Variants in IFNL3 observed in about 807,000 individuals in gnomAD.
IFNL3 encodes the protein interferon lambda 3.
In IFNL3, 16 loss-of-function variants were observed where a neutral mutation model predicts 16.3. The observed-to-expected ratio is 0.98, with a 90% CI of 0.67 to 1.50. The LOEUF (loss-of-function observed/expected upper bound fraction) is 1.50. IFNL3 is among the 40% of genes most tolerant of loss of function. IFNL3 has a pLI of 0.00. For missense variants in IFNL3, 254 were observed against 253.5 expected (o/e 1.00, Z -0.01); for synonymous variants, 115 against 115.3 (o/e 1.00, Z 0.02).
chr19:39,244,247 G>A (rs2074931561), intron 2 of IFNL3, 90 bp from the exon 3 acceptor site: 10 of 1,562,316 alleles, frequency 6.4e-6, no homozygotes, highest in Admixed American at 3.7e-5. Flanking sequence ...GAAGGTGACA[G>A]GCACAGGGGA....
chr19:39,244,657 G>C (rs1568552781), intron 1 of IFNL3, 131 bp downstream of exon 1: 15 of 1,375,418 alleles, frequency 1.1e-5, no homozygotes, highest in Non-Finnish European at 1.5e-5. Flanking sequence ...CCTGCAGTAG[G>C]AGCATGAGAT....
Position 39,244,219 on chromosome 19 carries a change from G to A in IFNL3, c.259-62C>T. The A allele has an allele frequency of 5.6e-6, 9 of 1,596,974 alleles. No homozygotes were observed. In the South Asian group the frequency reaches 9.0e-5, roughly 16 times the overall value. ...GTGAGGGGAACAGGTTGGGGGAGGA[G>A]GATAGAGAGGAACAAGTGAAGGTGA... is the stretch of plus-strand genomic sequence containing the variant. On this transcript the variant is annotated intron_variant, in intron 2 of 4. Coordinates refer to ENST00000413851, the MANE Select transcript of IFNL3 (RefSeq NM_172139.4).
rs117671304 is a variant in IFNL3, at chr19:39,243,586, G to A, written c.*46C>T. ...TGGGTGACAATAAATTAAGCCAAGT[G>A]GCTAATTTATAAATAAAATCTCAGG... On this transcript the variant is annotated 3_prime_UTR_variant, in exon 5 of 5. Coordinates refer to ENST00000413851, the MANE Select transcript of IFNL3 (RefSeq NM_172139.4). 5.2e-6 allele frequency: 8 copies of A among 1,541,114 alleles called. No homozygotes were observed. The highest frequency in any genetic ancestry group is 7.0e-6 in the Non-Finnish European group (8 of 1,137,568).
chr19:39,244,159 T>G lies in IFNL3; in HGVS notation c.259-2A>C. On this transcript the variant is annotated splice_acceptor_variant, in intron 2 of 4. Transcript: ENST00000413851. LOFTEE classifies it high-confidence loss of function. ...CAAAGCCACGGGGCGCTCCCTCACCTGAGGAGAGGTGAGAAAGAGCAGGTG... is the reference window on the plus strand; with the variant it reads ...CAAAGCCACGGGGCGCTCCCTCACCGGAGGAGAGGTGAGAAAGAGCAGGTG... 7 of 1,613,578 alleles carry G rather than the reference T, an allele frequency of 4.3e-6. No individual in the cohort carries two copies. Among genetic ancestry groups the G allele is most frequent in the Non-Finnish European group, 5.9e-6 (7 of 1,179,854 alleles).
At position 39,243,842 on chromosome 19, in the gene IFNL3, G is replaced by C; in HGVS notation, c.474C>G (p.Leu158=). The change falls in exon 4 of 5, where the codon CTC becomes CTG. Residue 158 remains leucine, a synonymous_variant. Coordinates refer to ENST00000413851, the MANE Select transcript of IFNL3 (RefSeq NM_172139.4). ...CACTCACCTTTTTTGGGGCCTCCTG[G>C]AGCCGGTGCAGCCAATGGTGGAGGC... ...RGRLHHWLHR[L]QEAPKKESPG... 6.2e-7 allele frequency: 1 copy of C among 1,613,920 alleles called. No individual in the cohort carries two copies. The highest frequency in any genetic ancestry group is 8.5e-7 in the Non-Finnish European group (1 of 1,180,000).
downstream of IFNL3, chr19:39,243,528 T>TTCCTGTGA: frequency 7.7e-7 from 1 of 1,294,282 alleles, no homozygotes; most frequent in Middle Eastern, 2.0e-4. Flanking sequence ...GGAGGTGAGT[T>TTCCTGTGA]GGATTTACAT....
In IFNL3 at chr19:39,244,075, G is replaced by A. The variant is rs763380575; in HGVS notation, c.341C>T (p.Ala114Val). 8.1e-6 allele frequency: 13 copies of A among 1,614,118 alleles called. No individual in the cohort carries two copies. Among genetic ancestry groups the A allele is most frequent in the Middle Eastern group, 1.6e-4 (1 of 6,084 alleles). Residue 114 changes from alanine to valine, a missense_variant, in exon 3 of 5, where the codon GCC (alanine) becomes GTC (valine). Ala to Val is a moderately conservative substitution (Grantham distance 64). Coordinates refer to ENST00000413851, the MANE Select transcript of IFNL3 (RefSeq NM_172139.4). ...VLEATADTDP[A>V]LGDVLDQPLH... is the part of the protein sequence containing the mutation. ...GGGCTGGTCCAAGACATCCCCCAGG[G>A]CTGGGTCAGTGTCAGCGGTGGCCTC...
rs150569967 is a variant in IFNL3, at chr19:39,244,961, C to T, written c.7G>A (p.Gly3Arg). ...AGCACCAGCACTGGCATGCAGTCCC[C>T]GGTCATGTCTGTGTCACAGAGAGAA... is the stretch of plus-strand genomic sequence containing the variant. MT[G>R]DCMPVLVLMA... The change falls in exon 1 of 5, where the codon GGG becomes AGG. Residue 3 changes from glycine (G) to arginine (R), a missense_variant. Coordinates refer to ENST00000413851, the MANE Select transcript of IFNL3 (RefSeq NM_172139.4). 5.5e-5 allele frequency: 89 copies of T among 1,613,978 alleles called. No homozygotes were observed. The highest frequency in any genetic ancestry group is 5.5e-4 in the African/African-American group (41 of 75,034).
At position 39,244,029 on chromosome 19, in the gene IFNL3, G is replaced by T. The variant is rs757574552; in HGVS notation, c.387C>A (p.Ile129=). 2.3e-5 allele frequency: 37 copies of T among 1,614,062 alleles called. No homozygotes were observed. Among genetic ancestry groups the T allele is most frequent in the Non-Finnish European group, 3.1e-5 (36 of 1,180,022 alleles). ...LDQPLHTLHH[I]LSQLRACIQP... ...TCACACAGGCCCGGAGCTGGGAGAG[G>T]ATATGGTGCAGGGTGTGAAGGGGCT... Residue 129 remains isoleucine, a synonymous_variant, in exon 3 of 5, where the codon ATC becomes ATA. Transcript: ENST00000413851.
chr19:39,244,736 T>C, intron 1 of IFNL3, 52 bp downstream of exon 1: 1 of 1,586,150 alleles, frequency 6.3e-7, no homozygotes. Context: ...ATGGTGACCC[T>C]TGGAGTGCGG....
Position 39,243,633 on chromosome 19 carries a change from C to A in IFNL3, c.590G>T (p.Ter197LeuextTer13), listed in dbSNP as rs1193734360. 3.1e-6 allele frequency: 5 copies of A among 1,590,314 alleles called. No individual in the cohort carries two copies. The highest frequency in any genetic ancestry group is 4.3e-6 in the Non-Finnish European group (5 of 1,168,340). ...NCVASGDLCV* is the reference protein window; with the variant it reads ...NCVASGDLCVL Reference sequence around the variant, plus strand: ...CAGGTTGCATGACTGGCGGAAGGGTCAGACACACAGGTCCCCGCTGGCAAC... The same window carrying A: ...CAGGTTGCATGACTGGCGGAAGGGTAAGACACACAGGTCCCCGCTGGCAAC... Residue 197 changes from the stop codon to leucine, a stop_lost, in exon 5 of 5, where the codon TGA becomes TTA. Coordinates refer to ENST00000413851, the MANE Select transcript of IFNL3 (RefSeq NM_172139.4).
rs202102885 is a variant in IFNL3 at position 39,244,455 on chromosome 19, G to C, written c.220C>G (p.Arg74Gly). The change falls in exon 2 of 5, where the codon CGC becomes GGC. Residue 74 changes from arginine to glycine, a missense_variant. Physicochemically the swap from Arg to Gly is moderately radical, Grantham distance 125 (BLOSUM62 -2). Coordinates refer to ENST00000413851, the MANE Select transcript of IFNL3 (RefSeq NM_172139.4). ...AGGTCCCAGGTCCTGGGGAAGAGGC[G>C]GGAGCGGCACTTGCAGTCCTTCAGC... Reference protein sequence around the residue: ...LLLKDCKCRSRLFPRTWDLRQ... With the variant: ...LLLKDCKCRSGLFPRTWDLRQ... 2 of 1,611,450 alleles carry C rather than the reference G, an allele frequency of 1.2e-6. No individual in the cohort carries two copies. The highest frequency in any genetic ancestry group is 1.7e-6 in the Non-Finnish European group (2 of 1,178,850).
At position 39,244,917 on chromosome 19, in the gene IFNL3, G is replaced by A. The variant is rs200133361; in HGVS notation, c.51C>T (p.Thr17=). 9.3e-6 allele frequency: 15 copies of A among 1,613,854 alleles called. No homozygotes were observed. Among genetic ancestry groups the A allele is most frequent in the South Asian group, 5.5e-5 (5 of 91,076 alleles). Residue 17 remains threonine, a synonymous_variant, in exon 1 of 5, where the codon ACC becomes ACT. Transcript: ENST00000413851. ...TGGCGACAGGAACTGCTCCAGTCAC[G>A]GTCAGCACTGCGGCCATCAGCACCA... ...PVLVLMAAVL[T]VTGAVPVARL...
At chr19:39,243,536 C>A, downstream of IFNL3, 1 of 1,354,684 alleles carries the variant, frequency 7.4e-7, no homozygotes, top group Non-Finnish European at 1.0e-6. Context: ...GTTGGATTTA[C>A]ATACACAAAT....
chr19:39,244,715 A>G, intron 1 of IFNL3, 73 bp downstream of exon 1: 2 of 1,548,174 alleles, frequency 1.3e-6, no homozygotes, highest in Non-Finnish European at 1.7e-6. Context: ...GGAAGCTGGG[A>G]GTGGGAAAGC....
upstream of IFNL3, chr19:39,245,025 A>G: frequency 6.2e-7 from 1 of 1,613,050 alleles, no homozygotes; most frequent in Middle Eastern, 1.7e-4. Flanking sequence ...CACTGAGGGC[A>G]GGGGCTGCAG....
intron 1 of IFNL3, 75 bp downstream of exon 1, chr19:39,244,713 G>A: frequency 6.5e-7 from 1 of 1,546,298 alleles, no homozygotes; most frequent in Non-Finnish European, 8.8e-7. Flanking sequence ...AAGGAAGCTG[G>A]GAGTGGGAAA....
chr19:39,244,114 G>A lies in IFNL3; in HGVS notation c.302C>T (p.Thr101Met), dbSNP rs145428712. 1.3e-3 allele frequency: 2,070 copies of A among 1,614,190 alleles called. 5 individuals carry two copies. The highest frequency in any genetic ancestry group is 2.3e-3 in the South Asian group (210 of 91,088). Residue 101 changes from threonine to methionine, a missense_variant, in exon 3 of 5, where the codon ACG (threonine) becomes ATG (methionine). By Grantham distance (81) the Thr-to-Met change is moderately conservative (BLOSUM62 -1). Transcript: ENST00000413851. ...PVALEAELALTLKVLEATADT... is the reference protein window; with the variant it reads ...PVALEAELALMLKVLEATADT... ...AGCGGTGGCCTCCAGAACCTTCAGC[G>A]TCAGGGCCAGCTCAGCCTCCAAAGC...
Position 39,243,719 on chromosome 19 carries a change from G to T in IFNL3, c.504C>A (p.Gly168=). 2 of 1,611,560 alleles carry T rather than the reference G, an allele frequency of 1.2e-6. No homozygotes were observed. Among genetic ancestry groups the T allele is most frequent in the East Asian group, 2.2e-5 (1 of 44,770 alleles). The change falls in exon 5 of 5, where the codon GGC becomes GGA. Residue 168 remains glycine (G), a synonymous_variant. Transcript: ENST00000413851. ...TGAAGGTGACAGAGGCCTCGAGGCA[G>T]CCAGGGGACTCCTGTAGGGAGGAGG... is the stretch of plus-strand genomic sequence containing the variant. The part of the protein sequence containing the change: ...LQEAPKKESP[G]CLEASVTFNL...
Sources: gnomAD v4.1 joint callset for allele counts on GRCh38, gnomAD v4.1.1 for gene constraint, MANE v1.5 for transcripts, NCBI Gene and HGNC (gene_info 2026-07-23, HGNC 2026-07-21) for gene names.